SOX5: variants seen among roughly 807,000 people sequenced by gnomAD.
SOX5 encodes the protein SRY-box transcription factor 5.
Under a neutral mutation model 92.0 loss-of-function variants are expected in SOX5, and 9 were observed. The ratio of observed to expected loss-of-function variants is 0.10; its 90% confidence interval spans 0.06 to 0.17. SOX5 has a LOEUF of 0.17. Among genes scored for constraint, SOX5 ranks in the 10% least tolerant of loss-of-function variants. SOX5 has a pLI of 1.00. For missense variants in SOX5, 642 were observed against 944.5 expected, an observed-to-expected ratio of 0.68 and a Z score of 4.20; for synonymous variants, 344 against 336.3, an observed-to-expected ratio of 1.02 and a Z score of -0.25.
chr12:23,761,884 T>A (rs1360685683), intron 3 of SOX5, among the ~76,000 whole-genome samples: 3 of 152,166 alleles, frequency 2.0e-5, no homozygotes, highest in African/African-American at 7.2e-5. Context: ...ACCATGAAAC[T>A]GAAGAATAAA....
At position 24,012,447 on chromosome 12, in the gene SOX5, G is replaced by A. The variant is rs567091568; in HGVS notation, c.-1-116423C>T. Among the ~76,000 whole-genome samples, 3 of 152,232 alleles carry A rather than the reference G, an allele frequency of 2.0e-5. No individual in the cohort carries two copies. In the South Asian group the frequency reaches 6.2e-4, roughly 32 times the overall value. ...TACAATTTTCAATGAGATGTAAAAA[G>A]CTGATGAAATGATGGATTTGAATTT... On this transcript the variant is annotated intron_variant, in intron 4 of 4. Coordinates refer to the SOX5 transcript ENST00000446891.
At chr12:24,166,174 G>A (rs2139057336) in intron 4 of SOX5, among the ~76,000 whole-genome samples, 2 of 152,220 alleles carry the variant, frequency 1.3e-5, no homozygotes, top group East Asian at 3.9e-4. Flanking sequence ...ATGGGTTTTG[G>A]CTTGAGTGCC....
intron 4 of SOX5, among the ~76,000 whole-genome samples, chr12:24,194,024 G>GA (rs1956773522): frequency 6.6e-6 from 1 of 152,168 alleles, no homozygotes; most frequent in Non-Finnish European, 1.5e-5. Context: ...GGCTCTACAT[G>GA]TTCACAATTA....
At chr12:23,760,623 A>G (rs201060296) in intron 3 of SOX5, among the ~76,000 whole-genome samples, 1 of 149,656 alleles carries the variant, frequency 6.7e-6, no homozygotes, top group Admixed American at 6.7e-5. Flanking sequence ...GCCCCCCCCA[A>G]CTGTGCCAGC....
chr12:24,376,211 C>T (rs999798617), intron 1 of SOX5, among the ~76,000 whole-genome samples: 1 of 152,214 alleles, frequency 6.6e-6, no homozygotes, highest in South Asian at 2.1e-4. Flanking sequence ...ATTCCAAGAA[C>T]TTTTGCATTT....
rs941481227 is a variant in SOX5, at chr12:23,940,600, A to G, written c.38+8964T>C. 2.6e-5 allele frequency among the ~76,000 whole-genome samples: 4 copies of G among 151,390 alleles called. No homozygotes were observed. The Admixed American group carries it at 2.6e-4, about 10-fold the overall frequency. ...GAGTCAAAGAGGTCTCAGTTTTTAA[A>G]GAAGAACTAGAACTTGAGATCTTAA... On this transcript the variant is annotated intron_variant, in intron 1 of 14. Coordinates refer to ENST00000451604, the MANE Select transcript of SOX5 (RefSeq NM_006940.6).
rs140789554 is a variant in SOX5, at chr12:24,320,073, C to T, written c.-173-42761G>A. Among the ~76,000 whole-genome samples the T allele has an allele frequency of 7.7e-3, 1,167 of 152,288 alleles. 7 individuals are homozygous for T. Among genetic ancestry groups the T allele is most frequent in the Non-Finnish European group, 0.013 (873 of 68,012 alleles). ...GTACAGCTTTCATTCATTTTGCATTCTCAGTGTCTACCACAGTGATAAAAC... is the reference window on the plus strand; with the variant it reads ...GTACAGCTTTCATTCATTTTGCATTTTCAGTGTCTACCACAGTGATAAAAC... On this transcript the variant is annotated intron_variant, in intron 2 of 4. Coordinates refer to the SOX5 transcript ENST00000446891.
intron 2 of SOX5, among the ~76,000 whole-genome samples, chr12:24,363,696 G>T (rs577659585): frequency 3.9e-4 from 56 of 144,778 alleles, no homozygotes; most frequent in South Asian, 2.7e-3. Flanking sequence ...GATTAATGAG[G>T]ATTTTTAAAG....
intron 1 of SOX5, among the ~76,000 whole-genome samples, chr12:24,506,784 C>T (rs75571902): frequency 0.03 from 2,457 of 81,638 alleles, 68 homozygotes; most frequent in Middle Eastern, 0.12. Flanking sequence ...TCCAAATGGT[C>T]TTTTTTTTTT....
At chr12:23,709,295 G>A (rs990948139) in intron 6 of SOX5, among the ~76,000 whole-genome samples, 1 of 151,838 alleles carries the variant, frequency 6.6e-6, no homozygotes, top group East Asian at 1.9e-4. Context: ...GTGGAGATGG[G>A]GATCTCCCTG....
At chr12:24,097,984 T>A (rs1440084612) in intron 4 of SOX5, among the ~76,000 whole-genome samples, 1 of 152,166 alleles carries the variant, frequency 6.6e-6, no homozygotes, top group Non-Finnish European at 1.5e-5. Flanking sequence ...CTATTCTATG[T>A]CACATCTATG....
At chr12:24,082,399 G>GAA (rs1569536830) in intron 4 of SOX5, among the ~76,000 whole-genome samples, 1 of 23,634 alleles carries the variant, frequency 4.2e-5, no homozygotes, top group East Asian at 1.3e-3. Flanking sequence ...TGCTCCTTTC[G>GAA]AAAAGAAAAA....
chr12:23,858,120 TTTG>T (rs1165826182), intron 2 of SOX5, among the ~76,000 whole-genome samples: 1 of 152,066 alleles, frequency 6.6e-6, no homozygotes, highest in Non-Finnish European at 1.5e-5. Context: ...ATATGTGCAC[TTTG>T]TTGTTTTTTT....
chr12:24,374,358 G>A (rs1306579633), intron 1 of SOX5, among the ~76,000 whole-genome samples: 2 of 152,064 alleles, frequency 1.3e-5, no homozygotes, highest in Non-Finnish European at 2.9e-5. Flanking sequence ...AACCTGGTGA[G>A]AGAGAAATAA....
intron 7 of SOX5, among the ~76,000 whole-genome samples, chr12:23,646,681 C>A (rs940547698): frequency 6.6e-6 from 1 of 152,216 alleles, no homozygotes; most frequent in Non-Finnish European, 1.5e-5. Context: ...ATAATGCTCA[C>A]ATAATCTTCA....
chr12:23,591,695 C>T (rs1366362661), intron 9 of SOX5, among the ~76,000 whole-genome samples: 8 of 152,062 alleles, frequency 5.3e-5, no homozygotes, highest in Non-Finnish European at 1.5e-5. Context: ...TAGGGTTGAC[C>T]TGAATATTGA....
chr12:24,073,661 T>G (rs1436105338), intron 4 of SOX5, among the ~76,000 whole-genome samples: 1 of 152,192 alleles, frequency 6.6e-6, no homozygotes, highest in Non-Finnish European at 1.5e-5. Context: ...TCAGGGACCC[T>G]GAAGGACCAT....
intron 3 of SOX5, among the ~76,000 whole-genome samples, chr12:23,799,681 C>A (rs1162674417): frequency 6.6e-6 from 1 of 151,930 alleles, no homozygotes; most frequent in African/African-American, 2.4e-5. Flanking sequence ...TCAACTAATA[C>A]TTTTTTGCCT....
intron 3 of SOX5, among the ~76,000 whole-genome samples, chr12:24,240,654 C>T (rs1216135772): frequency 6.6e-6 from 1 of 152,096 alleles, no homozygotes; most frequent in Non-Finnish European, 1.5e-5. Context: ...CTATCCCAAA[C>T]TAATTTTTAA....
Sources: gnomAD v4.1 joint callset for allele counts (sites outside exome capture counted in the v4.1 genomes callset) on GRCh38, gnomAD v4.1.1 for gene constraint, MANE v1.5 for transcripts, NCBI Gene and HGNC (gene_info 2026-07-23, HGNC 2026-07-21) for gene names.